Variants in SGCZ observed in about 807,000 individuals in gnomAD.
The protein encoded by SGCZ is zeta-sarcoglycan.
A neutral mutation model predicts 41.3 loss-of-function variants in SGCZ; 40 were observed. The ratio of observed to expected loss-of-function variants is 0.97; its 90% confidence interval spans 0.75 to 1.26. The LOEUF is 1.26. Ranked by LOEUF, SGCZ falls within the 50% of genes most tolerant of loss-of-function variation. SGCZ has a pLI of 0.00. For synonymous variants in SGCZ, 206 were observed against 137.5 expected (o/e 1.50, Z -3.49); for missense variants, 552 against 369.8 (o/e 1.49, Z -4.04).
At chr8:14,484,226 AT>A (rs1334743135) in intron 2 of SGCZ, among the ~76,000 whole-genome samples, 4 of 152,136 alleles carry the variant, frequency 2.6e-5, no homozygotes, top group African/African-American at 9.7e-5. Flanking sequence ...TAATTCTGAT[AT>A]TTTTTATTTC....
chr8:14,896,334 T>C (rs571095544), intron 1 of SGCZ, among the ~76,000 whole-genome samples: 1 of 152,276 alleles, frequency 6.6e-6, no homozygotes, highest in East Asian at 1.9e-4. Flanking sequence ...CTCAAATATG[T>C]AGAAGTTAAA....
chr8:14,820,175 A>G (rs1350647308), intron 1 of SGCZ, among the ~76,000 whole-genome samples: 1 of 152,074 alleles, frequency 6.6e-6, no homozygotes, highest in East Asian at 1.9e-4. Flanking sequence ...ACTAAATGGA[A>G]GGCATAGAAA....
chr8:14,226,406 C>A (rs1404295489), intron 4 of SGCZ, among the ~76,000 whole-genome samples: 1 of 152,076 alleles, frequency 6.6e-6, no homozygotes, highest in Non-Finnish European at 1.5e-5. Flanking sequence ...CTCCCCCATA[C>A]CATCCCTGTG....
At chr8:14,297,721 T>C (rs1038680981) in intron 3 of SGCZ, among the ~76,000 whole-genome samples, 3 of 152,046 alleles carry the variant, frequency 2.0e-5, no homozygotes, top group African/African-American at 7.2e-5. Flanking sequence ...TCTAAGTAAC[T>C]ATATCTGATC....
At chr8:15,071,324 T>C (rs575068787) in intron 1 of SGCZ, among the ~76,000 whole-genome samples, 1 of 152,314 alleles carries the variant, frequency 6.6e-6, no homozygotes, top group South Asian at 2.1e-4. Context: ...TCCATAAATC[T>C]TTCAAATAAT....
At chr8:14,864,421 T>C (rs952094415) in intron 1 of SGCZ, among the ~76,000 whole-genome samples, 2 of 152,154 alleles carry the variant, frequency 1.3e-5, no homozygotes, top group African/African-American at 4.8e-5. Flanking sequence ...GTCAGTAATT[T>C]AGTCAACTAC....
chr8:14,715,404 A>C (rs905991150), intron 1 of SGCZ, among the ~76,000 whole-genome samples: 6 of 152,152 alleles, frequency 3.9e-5, no homozygotes, highest in African/African-American at 1.4e-4. Context: ...CTAAGCGAAG[A>C]CTGTGGTATG....
chr8:14,478,094 A>G (rs1422883939), intron 2 of SGCZ, among the ~76,000 whole-genome samples: 1 of 152,274 alleles, frequency 6.6e-6, no homozygotes, highest in African/African-American at 2.4e-5. Context: ...CATTCACTGC[A>G]GAAATGAAAA....
chr8:15,194,772 C>T (rs558764633), intron 1 of SGCZ, among the ~76,000 whole-genome samples: 2 of 152,176 alleles, frequency 1.3e-5, no homozygotes, highest in South Asian at 2.1e-4. Context: ...ATTCTCCATT[C>T]GAGATTTCAG....
chr8:15,020,730 C>T (rs187283412), intron 1 of SGCZ, among the ~76,000 whole-genome samples: 172 of 152,286 alleles, frequency 1.1e-3, no homozygotes, highest in Non-Finnish European at 2.0e-3. Context: ...CTTCACCTGT[C>T]AAGTTCTTAG....
At chr8:14,855,293 G>C (rs187618576) in intron 1 of SGCZ, among the ~76,000 whole-genome samples, 1 of 151,984 alleles carries the variant, frequency 6.6e-6, no homozygotes, top group East Asian at 1.9e-4. Context: ...CAAGTGATCC[G>C]CCTGCTTTGG....
chr8:14,334,513 G>C (rs1026167543), intron 2 of SGCZ, among the ~76,000 whole-genome samples: 1 of 152,096 alleles, frequency 6.6e-6, no homozygotes, highest in Non-Finnish European at 1.5e-5. Flanking sequence ...ATTGTATTAT[G>C]TAATCCCAAT....
At chr8:14,415,537 T>G (rs1799470923) in intron 2 of SGCZ, among the ~76,000 whole-genome samples, 1 of 151,960 alleles carries the variant, frequency 6.6e-6, no homozygotes, top group Non-Finnish European at 1.5e-5. Flanking sequence ...TCTGTCATCA[T>G]GGAAATCATA....
At chr8:14,995,687 G>C (rs1388505133) in intron 1 of SGCZ, among the ~76,000 whole-genome samples, 1 of 152,180 alleles carries the variant, frequency 6.6e-6, no homozygotes, top group Non-Finnish European at 1.5e-5. Context: ...CCTTCCTTAA[G>C]TTCAGCGTCT....
Position 14,658,905 on chromosome 8 carries a change from A to G in SGCZ, c.40-103979T>C, listed in dbSNP as rs974917891. ...AGAAGAAAGAAAGAAAAAAATGAGG[A>G]AAGGAAGGAGGGAAGGGAGACAGGA... On this transcript the variant is annotated intron_variant, in intron 1 of 7. Coordinates refer to ENST00000382080, the MANE Select transcript of SGCZ (RefSeq NM_139167.4). Among the ~76,000 whole-genome samples the G allele has an allele frequency of 8.5e-5, 13 of 152,116 alleles. No individual in the cohort carries two copies. In the South Asian group the frequency reaches 1.5e-3, roughly 17 times the overall value.
intron 1 of SGCZ, among the ~76,000 whole-genome samples, chr8:14,837,055 C>A (rs571129775): frequency 2.6e-5 from 4 of 152,210 alleles, no homozygotes; most frequent in Non-Finnish European, 5.9e-5. Context: ...TTCTAAAGCC[C>A]TAAATTTAAA....
intron 1 of SGCZ, among the ~76,000 whole-genome samples, chr8:15,146,850 T>G (rs1399763102): frequency 6.6e-6 from 1 of 152,194 alleles, no homozygotes. Context: ...GATCAGTTGT[T>G]TAGGCTATCA....
At chr8:14,696,176 C>T (rs1808954420) in intron 1 of SGCZ, among the ~76,000 whole-genome samples, 1 of 152,046 alleles carries the variant, frequency 6.6e-6, no homozygotes, top group East Asian at 1.9e-4. Flanking sequence ...GACATTATAT[C>T]ACGTTCTCAA....
chr8:15,102,791 T>C (rs1447789007), intron 1 of SGCZ, among the ~76,000 whole-genome samples: 1 of 152,206 alleles, frequency 6.6e-6, no homozygotes, highest in African/African-American at 2.4e-5. Flanking sequence ...ATTATTTATA[T>C]AGAATCTCTA....
Sources: gnomAD v4.1 joint callset for allele counts (sites outside exome capture counted in the v4.1 genomes callset) on GRCh38, gnomAD v4.1.1 for gene constraint, MANE v1.5 for transcripts, NCBI Gene and HGNC (gene_info 2026-07-23, HGNC 2026-07-21) for gene names.